ICE1: variants seen among roughly 807,000 people sequenced by gnomAD.
ICE1 encodes the protein interactor of little elongation complex ELL subunit 1.
Under a neutral mutation model 192.7 loss-of-function variants are expected in ICE1, and 64 were observed. The ratio of observed to expected loss-of-function variants is 0.33; its 90% CI spans 0.27 to 0.41. The LOEUF (loss-of-function observed/expected upper bound fraction) is 0.41. ICE1 is among the 10% of genes least tolerant of loss of function. The pLI is 1.00. For synonymous variants in ICE1, 1,010 were observed against 984.5 expected (o/e 1.03, Z -0.49); for missense variants, 2,708 against 2,696.0 (o/e 1.00, Z -0.10).
chr5:5,464,644 AG>A lies in ICE1; in HGVS notation c.5313del (p.Asn1772IlefsTer22). The stretch of plus-strand genomic sequence containing the variant: ...GGGCCCGGACCCTCAACATCCTCAA[AG>A]GGAATATTCAACTCACACGAGGTCC... ...ARARTLNILK[G>X]NIQLTRGPPA... On this transcript the variant is annotated frameshift_variant, in exon 13 of 19. Coordinates refer to ENST00000296564, the MANE Select transcript of ICE1 (RefSeq NM_015325.3). LOFTEE classifies it high-confidence loss of function. The surrounding 1 kb of genome is among the most constrained non-coding windows in gnomAD (Gnocchi z 4.0). 1 of 1,613,600 alleles carries A rather than the reference AG, an allele frequency of 6.2e-7. No homozygotes were observed.
intron 8 of ICE1, 26 bp from the exon 9 acceptor site, chr5:5,447,695 A>G (rs1738277574): frequency 5.8e-6 from 9 of 1,551,958 alleles, no homozygotes; most frequent in African/African-American, 1.4e-5. Flanking sequence ...TTCAGCATAA[A>G]CACTATTAAT....
intron 1 of ICE1, among the ~76,000 whole-genome samples, chr5:5,423,718 T>A (rs1737418940): frequency 6.6e-6 from 1 of 152,138 alleles, no homozygotes; most frequent in Non-Finnish European, 1.5e-5. Flanking sequence ...TTCCCACGAC[T>A]CTCCTAGCTG....
chr5:5,427,960 G>A (rs1358756794), intron 1 of ICE1, among the ~76,000 whole-genome samples: 2 of 152,182 alleles, frequency 1.3e-5, no homozygotes. Context: ...CCACCTCTCT[G>A]AAGGCTTCAT....
chr5:5,445,416 C>A (rs1290681740), intron 7 of ICE1, among the ~76,000 whole-genome samples: 1 of 151,866 alleles, frequency 6.6e-6, no homozygotes, highest in Non-Finnish European at 1.5e-5. Flanking sequence ...AATTTTTAAA[C>A]TTTTTAAATT....
At chr5:5,449,225 A>G (rs1435310600) in intron 10 of ICE1, among the ~76,000 whole-genome samples, 1 of 151,910 alleles carries the variant, frequency 6.6e-6, no homozygotes, top group African/African-American at 2.4e-5. Flanking sequence ...TCTGTTGTAT[A>G]TTTTACTTTT....
chr5:5,461,876 A>G lies in ICE1; in HGVS notation c.2542A>G (p.Lys848Glu). ...AGAAAATAACAATCCTGTAGAATTC[A>G]AGACCACTGCATCGGTGTTGCCTAA... ...LRENNNPVEF[K>E]TTASVLPNQV... The change falls in exon 13 of 19, where the codon AAG becomes GAG. Residue 848 changes from lysine (K) to glutamate (E), a missense_variant. By Grantham distance (56) the Lys-to-Glu change is moderately conservative (BLOSUM62 1). This residue lies in a region of ICE1 where 2,366 missense variants were observed against 2,276.6 expected (regional missense o/e 1.04). Coordinates refer to ENST00000296564, the MANE Select transcript of ICE1 (RefSeq NM_015325.3). The G allele has an allele frequency of 1.2e-6, 2 of 1,613,954 alleles. No individual in the cohort carries two copies. Among genetic ancestry groups the G allele is most frequent in the Non-Finnish European group, 1.7e-6 (2 of 1,179,890 alleles).
At chr5:5,439,132 C>G (rs1006847758) in intron 3 of ICE1, among the ~76,000 whole-genome samples, 1 of 152,110 alleles carries the variant, frequency 6.6e-6, no homozygotes, top group Non-Finnish European at 1.5e-5. Context: ...ATTATCACCT[C>G]TTTCTAAATG....
At chr5:5,486,449 G>A (rs148754560) in intron 17 of ICE1, among the ~76,000 whole-genome samples, 1 of 152,300 alleles carries the variant, frequency 6.6e-6, no homozygotes, top group African/African-American at 2.4e-5. Context: ...TACATATTTT[G>A]GTGGGACCAT....
At chr5:5,468,313 T>C (rs1330583950) in intron 14 of ICE1, among the ~76,000 whole-genome samples, 1 of 151,890 alleles carries the variant, frequency 6.6e-6, no homozygotes, top group Non-Finnish European at 1.5e-5. Context: ...TTGACTGTTG[T>C]GGTGGTGGTT....
chr5:5,423,043 T>TCGGC (rs1373286093), intron 1 of ICE1, 44 bp downstream of exon 1: 3 of 1,285,344 alleles, frequency 2.3e-6, no homozygotes, highest in Non-Finnish European at 3.0e-6. Flanking sequence ...GGGACTCGGC[T>TCGGC]CGGCCGGCCG....
At chr5:5,438,424 C>G (rs1737942630) in intron 3 of ICE1, among the ~76,000 whole-genome samples, 1 of 152,154 alleles carries the variant, frequency 6.6e-6, no homozygotes, top group Admixed American at 6.5e-5. Flanking sequence ...TTTTTACTAT[C>G]TGAATTTTTA....
intron 11 of ICE1, 36 bp from the exon 12 acceptor site, chr5:5,457,296 T>G: frequency 6.5e-7 from 1 of 1,529,698 alleles, no homozygotes; most frequent in Non-Finnish European, 8.8e-7. Context: ...CTTGATATTG[T>G]AAATACCTGA....
intron 8 of ICE1, 96 bp from the exon 9 acceptor site, chr5:5,447,625 C>G: frequency 4.4e-6 from 6 of 1,377,882 alleles, no homozygotes; most frequent in Non-Finnish European, 5.0e-6. Flanking sequence ...CAAAAACAGT[C>G]CCAGCTGCCT....
chr5:5,472,234 A>C (rs938787953), intron 15 of ICE1, among the ~76,000 whole-genome samples: 1 of 152,218 alleles, frequency 6.6e-6, no homozygotes, highest in Non-Finnish European at 1.5e-5. Flanking sequence ...TCTTTTAAGC[A>C]CTTAAGCAAC....
At chr5:5,456,790 CCA>C (rs1309704890) in intron 11 of ICE1, among the ~76,000 whole-genome samples, 2 of 152,098 alleles carry the variant, frequency 1.3e-5, no homozygotes, top group Admixed American at 1.3e-4. Flanking sequence ...AAAATCAAGA[CCA>C]GGATTAGGTT....
In ICE1 at chr5:5,464,956, C is replaced by T. The variant is rs1171245155; in HGVS notation, c.5622C>T (p.Asn1874=). The change falls in exon 13 of 19, where the codon AAC becomes AAT. Residue 1874 remains asparagine (N), a synonymous_variant. Transcript: ENST00000296564. This position sits in a 1 kb window ranked among gnomAD's most constrained non-coding sequence, Gnocchi z 4.0. The stretch of plus-strand genomic sequence containing the variant: ...GAATCCACAAAAACCTCCCAGGGAA[C>T]CTCCCTCCAGCTGAAGTTGCAACAA... ...AEGIHKNLPG[N]LPPAEVATTN... 1 of 1,613,508 alleles carries T rather than the reference C, an allele frequency of 6.2e-7. No individual in the cohort carries two copies. Among genetic ancestry groups the T allele is most frequent in the African/African-American group, 1.3e-5 (1 of 74,906 alleles).
At chr5:5,481,249 A>G (rs945126972) in intron 17 of ICE1, among the ~76,000 whole-genome samples, 1 of 152,206 alleles carries the variant, frequency 6.6e-6, no homozygotes, top group African/African-American at 2.4e-5. Context: ...AATTTTCAAA[A>G]CAATATGGTA....
chr5:5,474,142 A>G (rs980427009), intron 16 of ICE1, among the ~76,000 whole-genome samples: 10 of 151,772 alleles, frequency 6.6e-5, no homozygotes, highest in Admixed American at 2.6e-4. Context: ...CCCGGGAGGC[A>G]GAGCTTGCAG....
Position 5,463,087 on chromosome 5 carries a change from C to CA in ICE1, c.3754dup (p.Thr1252AsnfsTer10). ...ATTCGTTAAAAAATACAAGTCAGCTCACTCAGTGTTCTTTGGAAACTCTGT... is the reference window on the plus strand; with the variant it reads ...ATTCGTTAAAAAATACAAGTCAGCTCAACTCAGTGTTCTTTGGAAACTCTGT... On this transcript the variant is annotated frameshift_variant, in exon 13 of 19. Coordinates refer to ENST00000296564, the MANE Select transcript of ICE1 (RefSeq NM_015325.3). LOFTEE classifies it high-confidence loss of function. 1 of 1,613,458 alleles carries CA rather than the reference C, an allele frequency of 6.2e-7. No homozygotes were observed. The highest frequency in any genetic ancestry group is 8.5e-7 in the Non-Finnish European group (1 of 1,179,688).
Sources: allele counts gnomAD v4.1 joint callset (sites outside exome capture counted in the v4.1 genomes callset), GRCh38; gene constraint gnomAD v4.1.1; regional missense constraint gnomAD v4.1.1; non-coding constraint Gnocchi (gnomAD v3.1); transcripts MANE v1.5; gene names NCBI Gene and HGNC (gene_info 2026-07-23, HGNC 2026-07-21).